The following PTPRD variants were observed in gnomAD, a reference collection of about 807,000 sequenced individuals.
The protein encoded by PTPRD is protein tyrosine phosphatase receptor type D, also known as receptor-type tyrosine-protein phosphatase delta.
In PTPRD, 34 loss-of-function variants were observed where a neutral mutation model predicts 214.5. The ratio of observed to expected loss-of-function variants is 0.16; its 90% CI spans 0.12 to 0.21. The LOEUF is 0.21. Among genes scored for constraint, PTPRD ranks in the 10% least tolerant of loss-of-function variants. PTPRD has a pLI of 1.00. For synonymous variants in PTPRD, 1,128 were observed against 845.7 expected (o/e 1.33, Z -5.79); for missense variants, 2,545 against 2,398.7 (o/e 1.06, Z -1.27).
intron 5 of PTPRD, among the ~76,000 whole-genome samples, chr9:9,835,686 A>C (rs958092470): frequency 6.6e-6 from 1 of 152,114 alleles, no homozygotes; most frequent in Admixed American, 6.6e-5. Context: ...CATTGTGACC[A>C]TACCAAAGTA....
At chr9:9,628,885 A>G (rs1222490856) in intron 7 of PTPRD, among the ~76,000 whole-genome samples, 1 of 151,978 alleles carries the variant, frequency 6.6e-6, no homozygotes, top group Non-Finnish European at 1.5e-5. Flanking sequence ...TATAAAATAT[A>G]CATAGTGGCC....
chr9:9,350,009 T>A (rs1490737635), intron 9 of PTPRD, among the ~76,000 whole-genome samples: 1 of 152,078 alleles, frequency 6.6e-6, no homozygotes, highest in Non-Finnish European at 1.5e-5. Context: ...GAAACTCCTT[T>A]TTCTGAAAGC....
At chr9:10,367,332 CAA>C (rs1479867534) in intron 2 of PTPRD, among the ~76,000 whole-genome samples, 1 of 152,040 alleles carries the variant, frequency 6.6e-6, no homozygotes, top group Non-Finnish European at 1.5e-5. Flanking sequence ...CTTAAGAGCT[CAA>C]GTCATCTTGA....
At chr9:8,791,295 C>T (rs753456433) in intron 11 of PTPRD, among the ~76,000 whole-genome samples, 6 of 151,568 alleles carry the variant, frequency 4.0e-5, no homozygotes, top group Admixed American at 1.3e-4. Context: ...GCGTGATCTC[C>T]GCTCACTGCA....
At chr9:8,879,464 G>A (rs912174995) in intron 11 of PTPRD, among the ~76,000 whole-genome samples, 5 of 152,074 alleles carry the variant, frequency 3.3e-5, no homozygotes, top group Non-Finnish European at 7.4e-5. Context: ...AACACTAGAA[G>A]CACAATGATG....
chr9:9,061,358 C>T (rs934408774), intron 10 of PTPRD, among the ~76,000 whole-genome samples: 3 of 152,130 alleles, frequency 2.0e-5, no homozygotes, highest in African/African-American at 4.8e-5. Context: ...AATGACTAAC[C>T]TTTCATGGAT....
At chr9:9,263,336 C>T (rs1307851899) in intron 9 of PTPRD, among the ~76,000 whole-genome samples, 2 of 151,386 alleles carry the variant, frequency 1.3e-5, no homozygotes, top group African/African-American at 4.8e-5. Flanking sequence ...TTGTCTTTTC[C>T]ACCTTCTTCT....
chr9:9,587,242 T>C (rs1372117821), intron 7 of PTPRD, among the ~76,000 whole-genome samples: 1 of 151,968 alleles, frequency 6.6e-6, no homozygotes, highest in Non-Finnish European at 1.5e-5. Flanking sequence ...AATACTAATA[T>C]ATAAGAGATA....
chr9:9,867,475 T>G (rs943304722), intron 5 of PTPRD, among the ~76,000 whole-genome samples: 2 of 128,902 alleles, frequency 1.6e-5, no homozygotes, highest in African/African-American at 8.5e-5. Context: ...ATAATAAACA[T>G]ATTTTCCTCA....
At chr9:8,644,695 C>T (rs1595947901) in intron 12 of PTPRD, among the ~76,000 whole-genome samples, 2 of 152,170 alleles carry the variant, frequency 1.3e-5, no homozygotes, top group African/African-American at 4.8e-5. Context: ...CTGGTCCAAC[C>T]GCTGCCTCAC....
In PTPRD at chr9:9,356,892, A is replaced by G. The variant is rs1228078406; in HGVS notation, c.-203+40557T>C. Among the ~76,000 whole-genome samples the G allele has an allele frequency of 2.6e-5, 4 of 151,454 alleles. No homozygotes were observed. In the Admixed American group the frequency reaches 2.6e-4, roughly 10 times the overall value. ...TAAGAGATAAGATATAAAGCTGGCA[A>G]CTTGCTACCAGTGAGGCAGCAGAAT... On this transcript the variant is annotated intron_variant, in intron 9 of 45. Transcript: ENST00000381196.
intron 44 of PTPRD, among the ~76,000 whole-genome samples, chr9:8,320,252 G>T (rs1826004589): frequency 6.6e-6 from 1 of 152,044 alleles, no homozygotes; most frequent in Non-Finnish European, 1.5e-5. Context: ...CAAATGAAAA[G>T]AAAGGGTAAA....
intron 11 of PTPRD, among the ~76,000 whole-genome samples, chr9:8,981,006 C>G (rs2099309994): frequency 6.6e-6 from 1 of 152,038 alleles, no homozygotes; most frequent in Non-Finnish European, 1.5e-5. Flanking sequence ...GGAGTTGAAG[C>G]TGAAAGCTCC....
intron 2 of PTPRD, among the ~76,000 whole-genome samples, chr9:10,589,778 C>T (rs1387310930): frequency 6.6e-6 from 1 of 151,948 alleles, no homozygotes; most frequent in Non-Finnish European, 1.5e-5. Flanking sequence ...GGAAAGCAAG[C>T]ATTAGAGGAG....
intron 10 of PTPRD, among the ~76,000 whole-genome samples, chr9:9,168,366 T>C (rs995970728): frequency 1.2e-4 from 18 of 152,186 alleles, no homozygotes; most frequent in Non-Finnish European, 1.8e-4. Context: ...TTTTTAACCT[T>C]GTTTCATTTT....
intron 11 of PTPRD, among the ~76,000 whole-genome samples, chr9:9,015,888 A>G (rs1010668976): frequency 1.3e-5 from 2 of 152,142 alleles, no homozygotes; most frequent in African/African-American, 4.8e-5. Context: ...AATCAGGGGC[A>G]CAAACTTTGT....
At chr9:10,061,112 G>GA (rs2097771665) in intron 3 of PTPRD, among the ~76,000 whole-genome samples, 1 of 151,448 alleles carries the variant, frequency 6.6e-6, no homozygotes, top group Non-Finnish European at 1.5e-5. Flanking sequence ...TTCAGCCAAG[G>GA]GTATGATATA....
intron 2 of PTPRD, among the ~76,000 whole-genome samples, chr9:10,503,995 A>G (rs1234745353): frequency 1.3e-5 from 2 of 151,248 alleles, no homozygotes; most frequent in Middle Eastern, 3.4e-3. Flanking sequence ...GGGCGCCTGT[A>G]GTCCCAGCTA....
At chr9:8,899,920 G>C (rs1321664278) in intron 11 of PTPRD, among the ~76,000 whole-genome samples, 1 of 152,142 alleles carries the variant, frequency 6.6e-6, no homozygotes, top group African/African-American at 2.4e-5. Context: ...GCAGATAAAC[G>C]ATTTGGAAAC....
Sources: gnomAD v4.1 joint callset for allele counts (sites outside exome capture counted in the v4.1 genomes callset) on GRCh38, gnomAD v4.1.1 for gene constraint, MANE v1.5 for transcripts, NCBI Gene and HGNC (gene_info 2026-07-23, HGNC 2026-07-21) for gene names.